The following P2RY10 variants were observed in gnomAD, a reference collection of about 807,000 sequenced individuals.
The protein encoded by P2RY10 is P2Y receptor family member 10.
P2RY10 carries 4 observed loss-of-function variants against 12.1 expected under a neutral mutation model. The observed-to-expected ratio is 0.33, with a 90% CI of 0.16 to 0.76. P2RY10 has a LOEUF of 0.76. Ranked by LOEUF, P2RY10 falls within the 30% of genes least tolerant of loss-of-function variation. P2RY10 has a pLI of 0.61. For missense variants in P2RY10, 233 were observed against 264.6 expected, an observed-to-expected ratio of 0.88 and a Z score of 0.83; for synonymous variants, 112 against 94.1, an observed-to-expected ratio of 1.19 and a Z score of -1.10.
rs886340487 is a variant in P2RY10, at chrX:78,947,877, C to T, written c.-157+14C>T. 4 of 664,888 alleles carry T rather than the reference C, an allele frequency of 6.0e-6. No homozygotes were observed. The highest frequency in any genetic ancestry group is 8.9e-4 in the Middle Eastern group (1 of 1,128). 54.8% of individuals were successfully genotyped at this position (664,888 alleles called of 1,213,427 possible). A position where few individuals can be genotyped will look rare whatever the true frequency, so the allele number is the denominator to read the frequency against. Reference sequence around the variant, plus strand: ...GGCAAATGCTTTGTAAGTAATTTCCCTTTTTTAAAAATGAGAAAATGCAAG... The same window carrying T: ...GGCAAATGCTTTGTAAGTAATTTCCTTTTTTTAAAAATGAGAAAATGCAAG... On this transcript the variant is annotated intron_variant, in intron 2 of 3. Coordinates refer to ENST00000171757, the MANE Select transcript of P2RY10 (RefSeq NM_014499.4).
chrX:78,953,885 G>A (rs957458741), intron 3 of P2RY10, among the ~76,000 whole-genome samples: 10 of 111,330 alleles, frequency 9.0e-5, no homozygotes, highest in African/African-American at 3.3e-4. Flanking sequence ...TTATTTTTGA[G>A]ATGGGGTCTT....
chrX:78,948,831 G>A (rs1921971020), intron 2 of P2RY10, among the ~76,000 whole-genome samples: 1 of 111,833 alleles, frequency 8.9e-6, no homozygotes, highest in Admixed American at 9.5e-5. Context: ...GTATTACATA[G>A]TGTATATACA....
In P2RY10 at chrX:78,961,333, A is replaced by T; in HGVS notation, c.813A>T (p.Glu271Asp). 8.3e-7 allele frequency: 1 copy of T among 1,210,726 alleles called. No homozygotes were observed. Among genetic ancestry groups the T allele is most frequent in the Non-Finnish European group, 1.1e-6 (1 of 894,714 alleles). Residue 271 changes from glutamate to aspartate, a missense_variant, in exon 4 of 4, where the codon GAA becomes GAT. Physicochemically the swap from Glu to Asp is conservative, Grantham distance 45. Coordinates refer to ENST00000171757, the MANE Select transcript of P2RY10 (RefSeq NM_014499.4). ...TTATTTTTTACACCATGGTAAAGGA[A>T]ACCATCATTAGCAGTTGTCCCGTTG... is the stretch of plus-strand genomic sequence containing the variant. ...INFIFYTMVK[E>D]TIISSCPVVR...
chrX:78,949,380 T>G (rs1007501839), intron 2 of P2RY10, among the ~76,000 whole-genome samples: 12 of 112,140 alleles, frequency 1.1e-4, no homozygotes, highest in Non-Finnish European at 9.4e-5. Context: ...ACATTTTTCT[T>G]TAATGCTCAA....
At chrX:78,953,621 A>C (rs1194189040) in intron 3 of P2RY10, among the ~76,000 whole-genome samples, 2 of 111,843 alleles carry the variant, frequency 1.8e-5, no homozygotes, top group African/African-American at 6.5e-5. Flanking sequence ...GCTCAATTCC[A>C]TATCTGACTT....
chrX:78,950,631 C>T (rs779745784), intron 2 of P2RY10, among the ~76,000 whole-genome samples: 2 of 111,469 alleles, frequency 1.8e-5, no homozygotes, highest in East Asian at 5.6e-4. Flanking sequence ...TGATATAATC[C>T]TATCCTGACA....
chrX:78,947,042 C>T (rs1219552644), intron 1 of P2RY10, among the ~76,000 whole-genome samples: 1 of 110,456 alleles, frequency 9.1e-6, no homozygotes, highest in Non-Finnish European at 1.9e-5. Context: ...GGCGAAACCC[C>T]GTTTCTACTA....
At chrX:78,946,878 A>G (rs1921862576) in intron 1 of P2RY10, among the ~76,000 whole-genome samples, 1 of 111,840 alleles carries the variant, frequency 8.9e-6, no homozygotes, top group African/African-American at 3.3e-5. Flanking sequence ...AAACACATTT[A>G]TGGGTTGTTT....
chrX:78,947,114 C>T (rs1434114923), intron 1 of P2RY10, among the ~76,000 whole-genome samples: 1 of 110,395 alleles, frequency 9.1e-6, no homozygotes, highest in Non-Finnish European at 1.9e-5. Context: ...ACTGGGCAAG[C>T]TGAGGCTGGA....
intron 3 of P2RY10, among the ~76,000 whole-genome samples, chrX:78,957,366 A>G (rs1029314052): frequency 3.1e-4 from 29 of 94,205 alleles, no homozygotes; most frequent in Non-Finnish European, 6.0e-4. Context: ...AGACACACAC[A>G]CACACACACA....
At chrX:78,950,114 G>T (rs1309330203) in intron 2 of P2RY10, among the ~76,000 whole-genome samples, 1 of 111,540 alleles carries the variant, frequency 9.0e-6, no homozygotes, top group Non-Finnish European at 1.9e-5. Context: ...ATAAAATGGA[G>T]AAGTAAATTT....
rs2070006370 is a variant in P2RY10, at chrX:78,961,461, A to G, written c.941A>G (p.Asp314Gly). The stretch of plus-strand genomic sequence containing the variant: ...TACTTTATGGCTTCAGAGTTTCGTG[A>G]CCAACTATCCCGCCATGGCAGTTCT... ...LYYFMASEFR[D>G]QLSRHGSSVT... Residue 314 changes from aspartate (D) to glycine (G), a missense_variant, in exon 4 of 4, where the codon GAC becomes GGC. Coordinates refer to ENST00000171757, the MANE Select transcript of P2RY10 (RefSeq NM_014499.4). 2 of 1,208,720 alleles carry G rather than the reference A, an allele frequency of 1.7e-6. No homozygotes were observed. Among genetic ancestry groups the G allele is most frequent in the Admixed American group, 2.2e-5 (1 of 45,645 alleles).
At chrX:78,960,281 C>G (rs901448943) in intron 3 of P2RY10, among the ~76,000 whole-genome samples, 2 of 111,753 alleles carry the variant, frequency 1.8e-5, no homozygotes, top group Non-Finnish European at 3.8e-5. Flanking sequence ...CTTAGAGAAT[C>G]TGGGGTGGAG....
intron 1 of P2RY10, among the ~76,000 whole-genome samples, chrX:78,947,242 G>A (rs1026117459): frequency 9.0e-6 from 1 of 110,577 alleles, no homozygotes; most frequent in African/African-American, 3.3e-5. Context: ...AAGATAGGCT[G>A]CCTATCTATA....
chrX:78,960,956 C>A lies in P2RY10; in HGVS notation c.436C>A (p.Arg146Ser), dbSNP rs768970924. The A allele has an allele frequency of 8.3e-7, 1 of 1,210,991 alleles. No homozygotes were observed. The highest frequency in any genetic ancestry group is 1.8e-5 in the South Asian group (1 of 56,950). Residue 146 changes from arginine (R) to serine (S), a missense_variant, in exon 4 of 4, where the codon CGT becomes AGT. Arg to Ser is a moderately radical substitution (Grantham distance 110). Transcript: ENST00000171757. ...LKPFRARDWK[R>S]RYDVGISAAI... The stretch of plus-strand genomic sequence containing the variant: ...GCCCTTCAGGGCCAGAGACTGGAAG[C>A]GTAGGTACGATGTGGGCATCAGTGC...
At chrX:78,957,622 C>T (rs887242369) in intron 3 of P2RY10, among the ~76,000 whole-genome samples, 13 of 110,701 alleles carry the variant, frequency 1.2e-4, no homozygotes, top group Non-Finnish European at 2.1e-4. Context: ...CTCCTCATCA[C>T]GGGGATTTTA....
intron 2 of P2RY10, 119 bp from the exon 3 acceptor site, chrX:78,952,074 G>T (rs1922128049): frequency 4.2e-6 from 1 of 239,079 alleles, no homozygotes; most frequent in Non-Finnish European, 5.9e-6. Context: ...CTCCATCCAT[G>T]TCCCTGCAAA....
chrX:78,952,913 A>G (rs1292911459), intron 3 of P2RY10, among the ~76,000 whole-genome samples: 1 of 111,924 alleles, frequency 8.9e-6, no homozygotes, highest in Non-Finnish European at 1.9e-5. Flanking sequence ...GAGAGAGAGG[A>G]AGAAGCTTTA....
chrX:78,954,776 A>G (rs1165440594), intron 3 of P2RY10, among the ~76,000 whole-genome samples: 1 of 112,330 alleles, frequency 8.9e-6, no homozygotes, highest in African/African-American at 3.2e-5. Flanking sequence ...GTCTACTTGG[A>G]TGAAATCACA....
Sources: allele counts gnomAD v4.1 joint callset (sites outside exome capture counted in the v4.1 genomes callset), GRCh38; gene constraint gnomAD v4.1.1; transcripts MANE v1.5; gene names NCBI Gene and HGNC (gene_info 2026-07-23, HGNC 2026-07-21).